LSAMP: variants seen among roughly 807,000 people sequenced by gnomAD.
LSAMP encodes limbic system associated membrane protein.
A neutral mutation model predicts 38.6 loss-of-function variants in LSAMP; 7 were observed. The ratio of observed to expected loss-of-function variants is 0.18; its 90% confidence interval spans 0.10 to 0.34. LSAMP has a LOEUF of 0.34. Ranked by LOEUF, LSAMP falls within the 10% of genes least tolerant of loss-of-function variation. The probability of loss-of-function intolerance (pLI) is 1.00; values close to 1 mark genes in which losing one functional copy is unlikely to be tolerated. For synonymous variants in LSAMP, 154 were observed against 166.8 expected (o/e 0.92, Z 0.59); for missense variants, 313 against 420.0 (o/e 0.75, Z 2.23).
chr3:115,814,638 C>T (rs1170793385), intron 6 of LSAMP, among the ~76,000 whole-genome samples: 18 of 152,228 alleles, frequency 1.2e-4, no homozygotes, highest in Non-Finnish European at 2.9e-5. Context: ...GTCAATTATG[C>T]TTTCAGTGAT....
intron 1 of LSAMP, among the ~76,000 whole-genome samples, chr3:116,093,676 T>C (rs963750507): frequency 4.6e-5 from 7 of 152,180 alleles, no homozygotes; most frequent in Non-Finnish European, 7.3e-5. Flanking sequence ...TGGAGAAAAA[T>C]TGATTTTTTT....
chr3:115,834,327 C>G (rs918541570), intron 6 of LSAMP, among the ~76,000 whole-genome samples: 11 of 152,096 alleles, frequency 7.2e-5, no homozygotes, highest in African/African-American at 2.6e-4. Flanking sequence ...TTTAGTATTG[C>G]CTTCACAGCT....
chr3:116,225,842 TTAAC>T (rs1172280045), intron 1 of LSAMP, among the ~76,000 whole-genome samples: 2 of 152,132 alleles, frequency 1.3e-5, no homozygotes, highest in African/African-American at 2.4e-5. Flanking sequence ...GTTTGGTTCT[TTAAC>T]TAAAATAACA....
In LSAMP at chr3:115,804,520, T is replaced by C. The variant is rs1933586448; in HGVS notation, c.*5797A>G. 2 of 152,106 alleles carry C rather than the reference T, an allele frequency of 1.3e-5. No individual in the cohort carries two copies. Among genetic ancestry groups the C allele is most frequent in the African/African-American group, 4.8e-5 (2 of 41,434 alleles). 9.4% of individuals were successfully genotyped at this position (152,106 alleles called of 1,614,324 possible). On this transcript the variant is annotated 3_prime_UTR_variant, in exon 7 of 7. Coordinates refer to ENST00000490035, the MANE Select transcript of LSAMP (RefSeq NM_002338.5). The stretch of plus-strand genomic sequence containing the variant: ...TTTATCTTAGATGATGAGGAAGCAG[T>C]ACCAAGAAGACACTTGGGGGTTGAT...
At chr3:116,089,417 G>A (rs1324533387) in intron 1 of LSAMP, among the ~76,000 whole-genome samples, 3 of 152,166 alleles carry the variant, frequency 2.0e-5, no homozygotes, top group South Asian at 4.1e-4. Flanking sequence ...GAGTGCAGTG[G>A]TGCAATCTCA....
chr3:116,029,409 G>A (rs1339452476), intron 2 of LSAMP, among the ~76,000 whole-genome samples: 2 of 152,126 alleles, frequency 1.3e-5, no homozygotes, highest in East Asian at 3.9e-4. Context: ...GTCAGGTGAA[G>A]CTGAGGGTAG....
chr3:116,197,163 A>ACACACACACACACACACTCTCTCT (rs1268040540), intron 1 of LSAMP, among the ~76,000 whole-genome samples: 3 of 139,088 alleles, frequency 2.2e-5, no homozygotes, highest in African/African-American at 7.8e-5. Flanking sequence ...ACACACACAC[A>ACACACACACACACACACTCTCTCT]CTCTCTCTCT....
intron 1 of LSAMP, among the ~76,000 whole-genome samples, chr3:116,165,957 A>G (rs543025175): frequency 6.6e-6 from 1 of 152,190 alleles, no homozygotes; most frequent in Non-Finnish European, 1.5e-5. Context: ...ATTACCATCT[A>G]AAAACATCAT....
chr3:116,437,409 AT>A (rs1033047231), intron 1 of LSAMP, among the ~76,000 whole-genome samples: 1 of 152,148 alleles, frequency 6.6e-6, no homozygotes, highest in African/African-American at 2.4e-5. Context: ...GGAAAAAAAA[AT>A]AATAAAAACC....
intron 1 of LSAMP, among the ~76,000 whole-genome samples, chr3:116,332,752 C>T (rs2047867476): frequency 1.3e-5 from 2 of 152,016 alleles, no homozygotes; most frequent in South Asian, 4.1e-4. Flanking sequence ...AAGAAACTTA[C>T]TTTAGATTCA....
At chr3:116,015,696 C>T (rs1940460372) in intron 3 of LSAMP, among the ~76,000 whole-genome samples, 2 of 152,114 alleles carry the variant, frequency 1.3e-5, no homozygotes, top group Admixed American at 1.3e-4. Flanking sequence ...TTACCTTAAG[C>T]ACTTGCAGTA....
rs1206131602 is a variant in LSAMP at position 115,810,432 on chromosome 3, A to G, written c.920-18T>C. Reference sequence around the variant, plus strand: ...CCCAGGTCCTGCAGAGCAAAAGAGGAGAGAGAAAAAGAGAATGAGTTACAT... The same window carrying G: ...CCCAGGTCCTGCAGAGCAAAAGAGGGGAGAGAAAAAGAGAATGAGTTACAT... On this transcript the variant is annotated intron_variant, in intron 6 of 6. Transcript: ENST00000490035. 9.7e-6 allele frequency: 15 copies of G among 1,540,342 alleles called. No homozygotes were observed. Among genetic ancestry groups the G allele is most frequent in the Non-Finnish European group, 1.3e-5 (14 of 1,114,532 alleles).
intron 2 of LSAMP, among the ~76,000 whole-genome samples, chr3:116,039,424 G>A (rs1192049942): frequency 1.3e-5 from 2 of 152,168 alleles, no homozygotes; most frequent in African/African-American, 4.8e-5. Context: ...CTCTGTGAGA[G>A]TACATTTAAA....
At chr3:116,180,064 A>AT (rs1710448237) in intron 1 of LSAMP, among the ~76,000 whole-genome samples, 1 of 151,974 alleles carries the variant, frequency 6.6e-6, no homozygotes, top group African/African-American at 2.4e-5. Context: ...TCGTTCAATC[A>AT]TTTTTTCAAA....
chr3:115,986,628 A>T (rs532791672), intron 3 of LSAMP, among the ~76,000 whole-genome samples: 6 of 151,774 alleles, frequency 4.0e-5, no homozygotes, highest in Admixed American at 6.6e-5. Flanking sequence ...TTCAGATGTG[A>T]TTAAGGAAAT....
chr3:115,890,389 C>G (rs1210561790), intron 3 of LSAMP, among the ~76,000 whole-genome samples: 1 of 151,896 alleles, frequency 6.6e-6, no homozygotes, highest in Non-Finnish European at 1.5e-5. Flanking sequence ...GCACAATTTA[C>G]TCCTCTATTA....
chr3:115,878,110 A>G (rs1265437975), intron 3 of LSAMP, among the ~76,000 whole-genome samples: 1 of 152,120 alleles, frequency 6.6e-6, no homozygotes, highest in Admixed American at 6.6e-5. Context: ...ATTTGATAAG[A>G]TGAGGATTCT....
Position 116,203,428 on chromosome 3 carries a change from T to C in LSAMP, c.156-116872A>G, listed in dbSNP as rs1033134167. Among the ~76,000 whole-genome samples the C allele has an allele frequency of 5.3e-5, 8 of 152,216 alleles. No homozygotes were observed. In the East Asian group the frequency reaches 1.5e-3, roughly 29 times the overall value. On this transcript the variant is annotated intron_variant, in intron 1 of 6. Transcript: ENST00000490035. ...TATTTTTTTATTATACTTTAAGTTT[T>C]AGGGTACATGTGCACATTGTGCAGG...
chr3:115,873,395 GTC>G (rs1936100599), intron 3 of LSAMP, among the ~76,000 whole-genome samples: 5 of 146,250 alleles, frequency 3.4e-5, no homozygotes, highest in Non-Finnish European at 7.5e-5. Flanking sequence ...AAAAAAAAAA[GTC>G]TATGCTTTTT....
Sources: allele counts gnomAD v4.1 joint callset (sites outside exome capture counted in the v4.1 genomes callset), GRCh38; gene constraint gnomAD v4.1.1; transcripts MANE v1.5; gene names NCBI Gene and HGNC (gene_info 2026-07-23, HGNC 2026-07-21).